The following CCDC178 variants were observed in gnomAD, a reference collection of about 807,000 sequenced individuals.
CCDC178 encodes coiled-coil domain containing 178.
CCDC178 carries 126 observed loss-of-function variants against 117.4 expected under a neutral mutation model. The ratio of observed to expected loss-of-function variants is 1.07; its 90% CI spans 0.93 to 1.24. CCDC178 has a LOEUF of 1.24. Among genes scored for constraint, CCDC178 ranks in the 50% most tolerant of loss-of-function variants. The probability of loss-of-function intolerance (pLI) is 0.00; values close to 1 mark genes in which losing one functional copy is unlikely to be tolerated. For missense variants in CCDC178, 1,030 were observed against 986.9 expected (o/e 1.04, Z -0.59); for synonymous variants, 283 against 313.4 (o/e 0.90, Z 1.02).
chr18:33,402,856 A>C (rs1744936455), intron 3 of CCDC178, among the ~76,000 whole-genome samples: 1 of 152,186 alleles, frequency 6.6e-6, no homozygotes, highest in South Asian at 2.1e-4. Flanking sequence ...CTGCACCGCC[A>C]TGCCTGGCTT....
intron 21 of CCDC178, chr18:32,983,163 T>A: frequency 1.6e-6 from 1 of 608,220 alleles, no homozygotes; most frequent in Non-Finnish European, 2.8e-6. Context: ...CACTTCTCAG[T>A]ACACTGGAGT....
intron 15 of CCDC178, among the ~76,000 whole-genome samples, chr18:33,243,307 T>C (rs914736880): frequency 6.6e-6 from 1 of 151,786 alleles, no homozygotes; most frequent in Non-Finnish European, 1.5e-5. Context: ...GATGGCTAGA[T>C]AGAAGGAATA....
chr18:33,076,094 T>G (rs564958456), intron 21 of CCDC178, among the ~76,000 whole-genome samples: 1 of 152,366 alleles, frequency 6.6e-6, no homozygotes, highest in Non-Finnish European at 1.5e-5. Context: ...ATGGAATTAC[T>G]TCTTTATTCT....
chr18:33,388,083 C>G (rs2063519008), intron 5 of CCDC178, among the ~76,000 whole-genome samples: 1 of 151,886 alleles, frequency 6.6e-6, no homozygotes, highest in Admixed American at 6.6e-5. Context: ...AAGAAAAAGG[C>G]ATACATGTGG....
At chr18:33,112,304 C>T (rs982082223) in intron 20 of CCDC178, among the ~76,000 whole-genome samples, 9 of 151,772 alleles carry the variant, frequency 5.9e-5, no homozygotes, top group Non-Finnish European at 1.2e-4. Flanking sequence ...TGGACTGTAG[C>T]AACATTCTCT....
chr18:33,290,578 AC>A lies in CCDC178; in HGVS notation c.1176+2580del, dbSNP rs1325273428. Among the ~76,000 whole-genome samples, 4 of 152,266 alleles carry A rather than the reference AC, an allele frequency of 2.6e-5. No individual in the cohort carries two copies. In the East Asian group the frequency reaches 7.7e-4, roughly 29 times the overall value. On this transcript the variant is annotated intron_variant, in intron 12 of 22. Transcript: ENST00000383096. ...GGATACAGTTTCAATCATAATTCTA[AC>A]AAAAAATTTTAAATAAATGAACCAG... is the stretch of plus-strand genomic sequence containing the variant.
chr18:33,185,064 G>C lies in CCDC178; in HGVS notation c.2238+26832C>G, dbSNP rs2058774252. Among the ~76,000 whole-genome samples, 7 of 152,080 alleles carry C rather than the reference G, an allele frequency of 4.6e-5. No homozygotes were observed. The South Asian group carries it at 1.2e-3, about 27-fold the overall frequency. ...AGTATGACAACAGCAATACTGTAAA[G>C]ATAGCCATCTAATATCTTTCAGGTG... On this transcript the variant is annotated intron_variant, in intron 20 of 22. Transcript: ENST00000383096.
At chr18:33,046,846 GA>G (rs1304251141) in intron 21 of CCDC178, among the ~76,000 whole-genome samples, 1 of 152,112 alleles carries the variant, frequency 6.6e-6, no homozygotes, top group African/African-American at 2.4e-5. Context: ...AAAGAAAAAT[GA>G]ACAAAGGTAA....
rs143733342 is a variant in CCDC178 at position 33,349,574 on chromosome 18, T to A, written c.372-599A>T. 1.9e-4 allele frequency among the ~76,000 whole-genome samples: 29 copies of A among 151,988 alleles called. No homozygotes were observed. The East Asian group carries it at 5.4e-3, about 28-fold the overall frequency. Reference sequence around the variant, plus strand: ...AGCTAAAATTCTGTATGTTGAATAATAAACTATTTCTCCATCTTTCTCTGG... The same window carrying A: ...AGCTAAAATTCTGTATGTTGAATAAAAAACTATTTCTCCATCTTTCTCTGG... On this transcript the variant is annotated intron_variant, in intron 7 of 22. Coordinates refer to ENST00000383096, the MANE Select transcript of CCDC178 (RefSeq NM_001105528.4).
chr18:33,094,536 C>A lies in CCDC178; in HGVS notation c.2239-1626G>T, dbSNP rs115735981. On this transcript the variant is annotated intron_variant, in intron 20 of 22. Coordinates refer to ENST00000383096, the MANE Select transcript of CCDC178 (RefSeq NM_001105528.4). ...CTCTGATATCTGAGACATCCTACTT[C>A]TCAGGTGCTTTTCTTTCCATTTCTA... Among the ~76,000 whole-genome samples the A allele has an allele frequency of 6.8e-3, 1,029 of 151,866 alleles. 9 individuals carry two copies. The highest frequency in any genetic ancestry group is 0.024 in the African/African-American group (984 of 41,494).
intron 20 of CCDC178, among the ~76,000 whole-genome samples, chr18:33,142,214 G>A (rs2058215195): frequency 6.6e-6 from 1 of 152,112 alleles, no homozygotes; most frequent in African/African-American, 2.4e-5. Context: ...CAACTAGAGG[G>A]ATGTTACTGG....
chr18:33,365,523 T>C (rs1306107395), intron 6 of CCDC178, among the ~76,000 whole-genome samples: 4 of 152,136 alleles, frequency 2.6e-5, no homozygotes, highest in Non-Finnish European at 5.9e-5. Context: ...TTCTATCTAA[T>C]AAGGTTTTAA....
chr18:33,167,165 T>C (rs2058542592), intron 20 of CCDC178, among the ~76,000 whole-genome samples: 1 of 152,210 alleles, frequency 6.6e-6, no homozygotes, highest in Non-Finnish European at 1.5e-5. Flanking sequence ...CACATTTTCT[T>C]TATCCAGTCT....
At chr18:33,055,543 G>A (rs2056815749) in intron 21 of CCDC178, among the ~76,000 whole-genome samples, 1 of 151,924 alleles carries the variant, frequency 6.6e-6, no homozygotes, top group Admixed American at 6.6e-5. Context: ...TGCCCAGGCT[G>A]GTTTCGAACT....
chr18:33,132,776 T>C (rs934164344), intron 20 of CCDC178, among the ~76,000 whole-genome samples: 2 of 151,720 alleles, frequency 1.3e-5, no homozygotes, highest in African/African-American at 2.4e-5. Context: ...ACAAATAGTA[T>C]GTAAATAGTG....
At chr18:33,158,022 T>C (rs1297156950) in intron 20 of CCDC178, among the ~76,000 whole-genome samples, 10 of 152,152 alleles carry the variant, frequency 6.6e-5, no homozygotes, top group Non-Finnish European at 1.5e-4. Context: ...TTAGACTAAC[T>C]GGAATGATTT....
chr18:33,242,094 A>G (rs979692178), intron 15 of CCDC178, among the ~76,000 whole-genome samples: 1 of 151,894 alleles, frequency 6.6e-6, no homozygotes, highest in African/African-American at 2.4e-5. Flanking sequence ...CAGAACAGAA[A>G]ATCCAGAAAT....
intron 18 of CCDC178, among the ~76,000 whole-genome samples, chr18:33,221,201 T>C (rs927231477): frequency 1.3e-5 from 2 of 152,060 alleles, no homozygotes; most frequent in Non-Finnish European, 2.9e-5. Flanking sequence ...ACAGACCTAG[T>C]AGGCACTGAG....
At chr18:33,336,196 G>A (rs2062737923) in intron 9 of CCDC178, among the ~76,000 whole-genome samples, 1 of 152,106 alleles carries the variant, frequency 6.6e-6, no homozygotes, top group Admixed American at 6.5e-5. Flanking sequence ...CTGAGCCACA[G>A]GTTGATTCAT....
Sources: gnomAD v4.1 joint callset for allele counts (sites outside exome capture counted in the v4.1 genomes callset) on GRCh38, gnomAD v4.1.1 for gene constraint, MANE v1.5 for transcripts, NCBI Gene and HGNC (gene_info 2026-07-23, HGNC 2026-07-21) for gene names.